FRY: variants seen among roughly 807,000 people sequenced by gnomAD.
The protein encoded by FRY is protein furry homolog.
In FRY, 128 loss-of-function variants were observed where a neutral mutation model predicts 348.4. The observed-to-expected ratio is 0.37, with a 90% CI of 0.32 to 0.43. The LOEUF (loss-of-function observed/expected upper bound fraction) is 0.43. FRY is among the 20% of genes least tolerant of loss of function. FRY has a pLI of 1.00. For synonymous variants in FRY, 1,370 were observed against 1,374.7 expected, an observed-to-expected ratio of 1.00 and a Z score of 0.08; for missense variants, 2,736 against 3,695.2, an observed-to-expected ratio of 0.74 and a Z score of 6.73.
At chr13:32,249,460 G>A (rs1886965303) in intron 48 of FRY, 66 bp from the exon 49 acceptor site, 3 of 1,557,474 alleles carry the variant, frequency 1.9e-6, no homozygotes, top group East Asian at 4.5e-5. Flanking sequence ...TTGCTTCTGG[G>A]GAGAAGGGTT....
chr13:32,298,848 G>C lies in FRY; in HGVS notation c.*3388G>C, dbSNP rs546294550. Reference sequence around the variant, plus strand: ...ATGAGTGAAGAGAGCGTTCAGAGAGGACAGCCAAAAGCTCTGTGGGCCACG... The same window carrying C: ...ATGAGTGAAGAGAGCGTTCAGAGAGCACAGCCAAAAGCTCTGTGGGCCACG... On this transcript the variant is annotated 3_prime_UTR_variant, in exon 61 of 61. Coordinates refer to ENST00000542859, the MANE Select transcript of FRY (RefSeq NM_023037.3). 1 of 152,268 alleles carries C rather than the reference G, an allele frequency of 6.6e-6. No homozygotes were observed. The highest frequency in any genetic ancestry group is 1.5e-5 in the Non-Finnish European group (1 of 68,076). 9.4% of individuals were successfully genotyped at this position (152,268 alleles called of 1,614,324 possible).
At chr13:32,145,800 T>C (rs976913832) in intron 11 of FRY, among the ~76,000 whole-genome samples, 8 of 151,914 alleles carry the variant, frequency 5.3e-5, no homozygotes, top group Non-Finnish European at 1.2e-4. Flanking sequence ...CGCCTCGGCC[T>C]CCCAAAGTGC....
At chr13:32,138,640 A>G (rs1303467921) in intron 11 of FRY, among the ~76,000 whole-genome samples, 1 of 152,220 alleles carries the variant, frequency 6.6e-6, no homozygotes, top group Non-Finnish European at 1.5e-5. Flanking sequence ...TCTAAGAGGC[A>G]GTAAGGCCAG....
chr13:32,204,310 T>A (rs1884225848), intron 31 of FRY, among the ~76,000 whole-genome samples: 1 of 131,308 alleles, frequency 7.6e-6, no homozygotes, highest in African/African-American at 2.8e-5. Flanking sequence ...ACCATCATCA[T>A]TGTTTTACAG....
chr13:32,074,584 C>G (rs1371424419), intron 1 of FRY, among the ~76,000 whole-genome samples: 2 of 152,154 alleles, frequency 1.3e-5, no homozygotes, highest in African/African-American at 4.8e-5. Flanking sequence ...AAATTCATCA[C>G]ATGGATGCCA....
chr13:32,143,094 C>T (rs1880181180), intron 11 of FRY, among the ~76,000 whole-genome samples: 1 of 152,168 alleles, frequency 6.6e-6, no homozygotes, highest in Admixed American at 6.5e-5. Flanking sequence ...TACCACAAGG[C>T]AGAGGCAGGA....
intron 59 of FRY, among the ~76,000 whole-genome samples, chr13:32,292,827 A>AATAC (rs1189515694): frequency 1.1e-4 from 16 of 151,622 alleles, no homozygotes; most frequent in African/African-American, 3.6e-4. Flanking sequence ...TAAATAAATA[A>AATAC]AGCAAACTTC....
chr13:32,249,741 C>T, intron 49 of FRY, 54 bp downstream of exon 49: 1 of 1,539,496 alleles, frequency 6.5e-7, no homozygotes, highest in Non-Finnish European at 9.0e-7. Context: ...CCTGTTGAGT[C>T]CATGTGGCTG....
At chr13:32,294,821 T>C (rs561754057) in intron 60 of FRY, among the ~76,000 whole-genome samples, 3 of 152,354 alleles carry the variant, frequency 2.0e-5, no homozygotes, top group Non-Finnish European at 4.4e-5. Flanking sequence ...TACCTTTATA[T>C]AATTTTTAAC....
intron 2 of FRY, chr13:32,085,993 A>G (rs1875837905): frequency 1.9e-6 from 1 of 518,848 alleles, no homozygotes; most frequent in Admixed American, 1.9e-5. Flanking sequence ...CCAGCAAAAT[A>G]CTTGAGTCCT....
At chr13:32,111,219 G>A (rs542080810) in intron 3 of FRY, among the ~76,000 whole-genome samples, 4 of 152,248 alleles carry the variant, frequency 2.6e-5, no homozygotes, top group Admixed American at 6.5e-5. Context: ...CAGATGCAGT[G>A]GTTCACTCCT....
Position 32,274,875 on chromosome 13 carries a change from G to A in FRY, c.8170G>A (p.Asp2724Asn). The A allele has an allele frequency of 6.2e-7, 1 of 1,613,698 alleles. No individual in the cohort carries two copies. The highest frequency in any genetic ancestry group is 8.5e-7 in the Non-Finnish European group (1 of 1,179,636). The change falls in exon 56 of 61, where the codon GAT becomes AAT. Residue 2724 changes from aspartate (D) to asparagine (N), a missense_variant. Coordinates refer to ENST00000542859, the MANE Select transcript of FRY (RefSeq NM_023037.3). ...IQKRFCFLTC[D>N]AASYLGDNLR... The stretch of plus-strand genomic sequence containing the variant: ...GAAAAGGTTCTGCTTCCTAACCTGT[G>A]ATGCAGCCAGTTACCTTGGAGATAA...
At chr13:32,267,791 A>G (rs1887995061) in intron 55 of FRY, among the ~76,000 whole-genome samples, 2 of 151,958 alleles carry the variant, frequency 1.3e-5, no homozygotes, top group African/African-American at 4.8e-5. Context: ...AGCTGTGAAC[A>G]CTTGTTTACT....
At chr13:32,122,398 C>T (rs1187324617) in intron 4 of FRY, among the ~76,000 whole-genome samples, 1 of 150,294 alleles carries the variant, frequency 6.7e-6, no homozygotes, top group African/African-American at 2.5e-5. Flanking sequence ...AGCAAGATGG[C>T]ACCACTGCAC....
chr13:32,069,888 G>T (rs150358217), intron 1 of FRY, among the ~76,000 whole-genome samples: 1 of 106,740 alleles, frequency 9.4e-6, no homozygotes, highest in Non-Finnish European at 1.8e-5. Flanking sequence ...AAGAGGCCCC[G>T]GTGTGTGATG....
At chr13:32,176,889 C>G (rs1027605913) in intron 20 of FRY, among the ~76,000 whole-genome samples, 3 of 152,262 alleles carry the variant, frequency 2.0e-5, no homozygotes, top group Middle Eastern at 3.4e-3. Flanking sequence ...CATTATAATT[C>G]CCAAGTCATA....
At chr13:32,134,698 C>A (rs904488917) in intron 8 of FRY, among the ~76,000 whole-genome samples, 1 of 152,180 alleles carries the variant, frequency 6.6e-6, no homozygotes, top group Non-Finnish European at 1.5e-5. Context: ...AGTGAAAAAA[C>A]CAGCCTTGCA....
intron 2 of FRY, among the ~76,000 whole-genome samples, chr13:32,081,730 A>G (rs1175780287): frequency 6.6e-6 from 1 of 152,102 alleles, no homozygotes; most frequent in African/African-American, 2.4e-5. Flanking sequence ...ATTTTTGCCT[A>G]CTTGTAGGCC....
chr13:32,219,276 A>C (rs1885179772), intron 36 of FRY, among the ~76,000 whole-genome samples: 1 of 149,366 alleles, frequency 6.7e-6, no homozygotes, highest in African/African-American at 2.4e-5. Flanking sequence ...TTTTTAGTAG[A>C]GACGGGATTT....
Sources: allele counts gnomAD v4.1 joint callset (sites outside exome capture counted in the v4.1 genomes callset), GRCh38; gene constraint gnomAD v4.1.1; transcripts MANE v1.5; gene names NCBI Gene and HGNC (gene_info 2026-07-23, HGNC 2026-07-21).